Variants in CHTF18 observed in about 807,000 individuals in gnomAD.
CHTF18 encodes chromosome transmission fidelity factor 18.
A neutral mutation model predicts 113.4 loss-of-function variants in CHTF18; 151 were observed. The observed-to-expected ratio is 1.33, with a 90% CI of 1.17 to 1.52. The LOEUF is 1.52. Among genes scored for constraint, CHTF18 ranks in the 40% most tolerant of loss-of-function variants. The pLI is 0.00. For missense variants in CHTF18, 1,982 were observed against 1,381.6 expected, an observed-to-expected ratio of 1.43 and a Z score of -6.89; for synonymous variants, 916 against 598.8, an observed-to-expected ratio of 1.53 and a Z score of -7.74.
Position 791,918 on chromosome 16 carries a change from C to G in CHTF18, c.1172C>G (p.Ala391Gly). Residue 391 changes from alanine to glycine, a missense_variant, in exon 9 of 22, where the codon GCG becomes GGG. Ala to Gly is a moderately conservative substitution (Grantham distance 60). Coordinates refer to ENST00000262315, the MANE Select transcript of CHTF18 (RefSeq NM_022092.3). ...TTLAHVIARH[A>G]GYSVVEMNAS... ...CTGGCACACGTGATTGCGCGTCACG[C>G]GGGGTACTCTGTGGTGGAGATGAAC... 1 of 1,609,772 alleles carries G rather than the reference C, an allele frequency of 6.2e-7. No homozygotes were observed. The highest frequency in any genetic ancestry group is 8.5e-7 in the Non-Finnish European group (1 of 1,178,696).
chr16:790,016 C>T (rs1041938182), intron 4 of CHTF18, 161 bp from the exon 5 acceptor site: 5 of 1,535,610 alleles, frequency 3.3e-6, no homozygotes, highest in East Asian at 2.4e-5. Context: ...GCTGACCCAT[C>T]TGGATGGCTT....
At chr16:793,843 A>AGCC (rs1217788834) in intron 14 of CHTF18, 2 of 639,054 alleles carry the variant, frequency 3.1e-6, no homozygotes, top group South Asian at 3.7e-5. Flanking sequence ...CTCCTCTCAG[A>AGCC]GTGGGGCTCC....
chr16:795,407 T>G (rs185363489), intron 16 of CHTF18, 51 bp downstream of exon 16: 1 of 974,672 alleles, frequency 1.0e-6, no homozygotes, highest in African/African-American at 4.6e-5. Flanking sequence ...CCCGCCCCCC[T>G]GTGCTGCCCG....
chr16:794,861 TGTCAGTCTCTGTCAA>T (rs141120377), intron 15 of CHTF18: 23,808 of 494,166 alleles, frequency 0.048, 1,222 homozygotes, highest in South Asian at 0.16. Flanking sequence ...CACCCCCTCG[TGTCAGTCTCTGTCAA>T]GTCAGTCTCT....
rs377736001 is a variant in CHTF18, at chr16:794,076, G to C, written c.1825G>C (p.Ala609Pro). The C allele has an allele frequency of 2.5e-6, 4 of 1,611,652 alleles. No individual in the cohort carries two copies. The highest frequency in any genetic ancestry group is 1.1e-5 in the South Asian group (1 of 91,028). The change falls in exon 15 of 22, where the codon GCC (alanine) becomes CCC (proline). Residue 609 changes from alanine (A) to proline (P), a missense_variant. Transcript: ENST00000262315. ...AQRRRVGQDP[A>P]LPADTLLLGD... Reference sequence around the variant, plus strand: ...CAGGCGCCGTGTGGGCCAGGACCCCGCCCTGCCTGCTGACACACTCCTGCT... The same window carrying C: ...CAGGCGCCGTGTGGGCCAGGACCCCCCCCTGCCTGCTGACACACTCCTGCT...
chr16:789,015 G>A lies in CHTF18; in HGVS notation c.176G>A (p.Gly59Glu), dbSNP rs1214761237. The change falls in exon 2 of 22, where the codon GGG becomes GAG. Residue 59 changes from glycine (G) to glutamate (E), a missense_variant. Coordinates refer to ENST00000262315, the MANE Select transcript of CHTF18 (RefSeq NM_022092.3). ...ACGTTCGAGGAGGCCCTTGCCAGAG[G>A]GGACGCGGCCTCCAGTCCCGCCCCA... ...PRTFEEALAR[G>E]DAASSPAPAA... 1 of 1,543,896 alleles carries A rather than the reference G, an allele frequency of 6.5e-7. No homozygotes were observed. Among genetic ancestry groups the A allele is most frequent in the Admixed American group, 2.0e-5 (1 of 51,236 alleles).
chr16:789,958 T>TA, intron 4 of CHTF18: 1 of 1,533,098 alleles, frequency 6.5e-7, no homozygotes. Flanking sequence ...CCTCCTGCTT[T>TA]TGCCCTTTCC....
In CHTF18 at chr16:795,310, C is replaced by A; in HGVS notation, c.2129C>A (p.Ala710Asp). 2.6e-6 allele frequency: 4 copies of A among 1,548,554 alleles called. No individual in the cohort carries two copies. The highest frequency in any genetic ancestry group is 3.5e-6 in the Non-Finnish European group (4 of 1,146,664). Residue 710 changes from alanine to aspartate, a missense_variant, in exon 16 of 22, where the codon GCT becomes GAT. Physicochemically the swap from Ala to Asp is moderately radical, Grantham distance 126 (BLOSUM62 -2). Transcript: ENST00000262315. The stretch of plus-strand genomic sequence containing the variant: ...CCCGTGGCCTTCCATGTGCTGTTTG[C>A]TTCCAGCCACACACCCAGGATCACC... ...FLPVAFHVLF[A>D]SSHTPRITFP...
At chr16:797,815 A>G in intron 21 of CHTF18, 24 bp from the exon 22 acceptor site, 1 of 1,593,242 alleles carries the variant, frequency 6.3e-7, no homozygotes, top group East Asian at 2.3e-5. Flanking sequence ...CTTACAGCTG[A>G]GGAGCAACCC....
intron 9 of CHTF18, 87 bp from the exon 10 acceptor site, chr16:792,137 C>T: frequency 5.2e-6 from 8 of 1,525,776 alleles, no homozygotes; most frequent in South Asian, 2.5e-5. Context: ...GTGACGGTCT[C>T]CACGCAAATG....
chr16:797,899 G>A lies in CHTF18; in HGVS notation c.2852G>A (p.Ser951Asn), dbSNP rs775434076. Residue 951 changes from serine to asparagine, a missense_variant, in exon 22 of 22, where the codon AGC (serine) becomes AAC (asparagine). Ser to Asn is a conservative substitution (Grantham distance 46). Transcript: ENST00000262315. ...ERRMGTAVGR[S>N]EVWFRFNEGV... Reference sequence around the variant, plus strand: ...CGCATGGGCACAGCGGTGGGCAGGAGCGAGGTCTGGTTCCGCTTCAACGAG... The same window carrying A: ...CGCATGGGCACAGCGGTGGGCAGGAACGAGGTCTGGTTCCGCTTCAACGAG... The A allele has an allele frequency of 1.2e-5, 19 of 1,611,596 alleles. No individual in the cohort carries two copies. The South Asian group carries it at 1.8e-4, about 15-fold the overall frequency.
Position 796,781 on chromosome 16 carries a change from A to C in CHTF18, c.2521A>C (p.Lys841Gln). The change falls in exon 19 of 22, where the codon AAG (lysine) becomes CAG (glutamine). Residue 841 changes from lysine (K) to glutamine (Q), a missense_variant. By Grantham distance (53) the Lys-to-Gln change is moderately conservative. Coordinates refer to ENST00000262315, the MANE Select transcript of CHTF18 (RefSeq NM_022092.3). ...PARKPLTYQT[K>Q]QLIAREIEVE... ...CCGCAAGCCCCTCACCTACCAGACG[A>C]AGCAGCTCATCGCCCGCGAGATCGA... 6.2e-7 allele frequency: 1 copy of C among 1,610,332 alleles called. No homozygotes were observed.
intron 9 of CHTF18, 34 bp downstream of exon 9, chr16:791,982 T>C (rs368428438): frequency 2.5e-5 from 39 of 1,580,878 alleles, no homozygotes; most frequent in Non-Finnish European, 3.4e-5. Flanking sequence ...TGGCTCGCCT[T>C]CTGTCCTGAC....
At position 790,583 on chromosome 16, in the gene CHTF18, A is replaced by G; in HGVS notation, c.811A>G (p.Thr271Ala). Reference sequence around the variant, plus strand: ...CTTGGGGGCCCCTGAGGAGGAGCCGACTGACGGTCAAGACGCCTCCAGTCA... The same window carrying G: ...CTTGGGGGCCCCTGAGGAGGAGCCGGCTGACGGTCAAGACGCCTCCAGTCA... ...QPLGAPEEEP[T>A]DGQDASSHCL... The change falls in exon 7 of 22, where the codon ACT becomes GCT. Residue 271 changes from threonine (T) to alanine (A), a missense_variant. Transcript: ENST00000262315. 1 of 1,596,884 alleles carries G rather than the reference A, an allele frequency of 6.3e-7. No individual in the cohort carries two copies. The highest frequency in any genetic ancestry group is 8.5e-7 in the Non-Finnish European group (1 of 1,172,756).
intron 18 of CHTF18, among the ~76,000 whole-genome samples, chr16:796,371 C>T (rs373194985): frequency 6.6e-5 from 10 of 152,316 alleles, no homozygotes; most frequent in East Asian, 1.9e-4. Flanking sequence ...CTCCGTTTCC[C>T]GCTGTGGGAT....
In CHTF18 at chr16:791,194, T is replaced by G. The variant is rs374149034; in HGVS notation, c.928T>G (p.Leu310Val). Residue 310 changes from leucine (L) to valine (V), a missense_variant, in exon 8 of 22, where the codon TTG becomes GTG. Coordinates refer to ENST00000262315, the MANE Select transcript of CHTF18 (RefSeq NM_022092.3). ...TNRCLLKWLK[L>V]WDLVVFGHER... ...CCGCTGCCTGCTCAAGTGGCTGAAG[T>G]TGTGGGACCTGGTGGTGTTTGGCCA... is the stretch of plus-strand genomic sequence containing the variant. 5.1e-5 allele frequency: 82 copies of G among 1,611,574 alleles called. No individual in the cohort carries two copies. The highest frequency in any genetic ancestry group is 6.6e-5 in the Non-Finnish European group (78 of 1,179,554).
chr16:793,257 G>T lies in CHTF18; in HGVS notation c.1785G>T (p.Gln595His). 6.2e-7 allele frequency: 1 copy of T among 1,606,786 alleles called. No individual in the cohort carries two copies. The highest frequency in any genetic ancestry group is 8.5e-7 in the Non-Finnish European group (1 of 1,178,494). ...GLFSVWQEVF[Q>H]LPRAQRRRVG... Reference sequence around the variant, plus strand: ...TCTCGGTGTGGCAGGAGGTCTTCCAGCTGCCTCGAGCCCAGAGGTAGGCGG... The same window carrying T: ...TCTCGGTGTGGCAGGAGGTCTTCCATCTGCCTCGAGCCCAGAGGTAGGCGG... Residue 595 changes from glutamine (Q) to histidine (H), a missense_variant, in exon 14 of 22, where the codon CAG becomes CAT. Gln to His is a conservative substitution (Grantham distance 24, BLOSUM62 0). Coordinates refer to ENST00000262315, the MANE Select transcript of CHTF18 (RefSeq NM_022092.3).
At chr16:790,757 A>G (rs755591940) in intron 7 of CHTF18, 91 bp downstream of exon 7, 55 of 1,446,036 alleles carry the variant, frequency 3.8e-5, no homozygotes, top group East Asian at 1.2e-4. Context: ...CAGCCAATCC[A>G]CTGGGCCTCG....
chr16:790,045 G>C (rs1463145781), intron 4 of CHTF18, 132 bp from the exon 5 acceptor site: 10 of 1,536,184 alleles, frequency 6.5e-6, no homozygotes, highest in Non-Finnish European at 8.7e-6. Context: ...TGGCACCCCT[G>C]TCCAGTCTCC....
Sources: allele counts gnomAD v4.1 joint callset (sites outside exome capture counted in the v4.1 genomes callset), GRCh38; gene constraint gnomAD v4.1.1; transcripts MANE v1.5; gene names NCBI Gene and HGNC (gene_info 2026-07-23, HGNC 2026-07-21).